The following MYNN variants were observed in gnomAD, a reference collection of about 807,000 sequenced individuals.
The protein encoded by MYNN is myoneurin.
A neutral mutation model predicts 57.2 loss-of-function variants in MYNN; 22 were observed. The observed-to-expected ratio is 0.38, with a 90% confidence interval of 0.27 to 0.55. The LOEUF is 0.55. MYNN is among the 20% of genes least tolerant of loss of function. MYNN has a pLI of 0.71. For missense variants in MYNN, 566 were observed against 723.1 expected (o/e 0.78, Z 2.49); for synonymous variants, 241 against 257.1 (o/e 0.94, Z 0.60).
intron 7 of MYNN, 107 bp downstream of exon 7, chr3:169,784,815 T>C (rs925968323): frequency 1.8e-5 from 12 of 651,234 alleles, no homozygotes; most frequent in Middle Eastern, 2.7e-4. Flanking sequence ...GCAGTTTAAA[T>C]TAGATGTCTA....
In MYNN at chr3:169,778,946, G is replaced by C. The variant is rs773957029; in HGVS notation, c.445G>C (p.Asp149His). ...NQQTCLLTLR[D>H]YNNREKSEVS... ...ACAGACTTGTCTTCTTACTCTGCGA[G>C]ATTATAATAATCGAGAGAAATCAGA... Residue 149 changes from aspartate to histidine, a missense_variant, in exon 3 of 8, where the codon GAT (aspartate) becomes CAT (histidine). Coordinates refer to ENST00000349841, the MANE Select transcript of MYNN (RefSeq NM_018657.5). 3 of 1,613,860 alleles carry C rather than the reference G, an allele frequency of 1.9e-6. No homozygotes were observed. In the Admixed American group the frequency reaches 5.0e-5, roughly 27 times the overall value.
chr3:169,785,072 G>A (rs951831384), intron 7 of MYNN, among the ~76,000 whole-genome samples: 5 of 129,720 alleles, frequency 3.9e-5, no homozygotes, highest in African/African-American at 1.6e-4. Flanking sequence ...GAAAAAAAAG[G>A]GGGGGGGGGT....
chr3:169,785,466 ATAAT>A (rs1262082423), intron 7 of MYNN, among the ~76,000 whole-genome samples: 11 of 152,050 alleles, frequency 7.2e-5, no homozygotes, highest in Admixed American at 5.2e-4. Context: ...ACCTAAATAA[ATAAT>A]TAAATAAACT....
rs575944237 is a variant in MYNN at position 169,782,416 on chromosome 3, T to C, written c.1221-49T>C. 4.0e-6 allele frequency: 6 copies of C among 1,502,734 alleles called. No individual in the cohort carries two copies. Among genetic ancestry groups the C allele is most frequent in the Non-Finnish European group, 5.5e-6 (6 of 1,099,946 alleles). The allele number at this position is 1,502,734 out of a possible 1,614,324, so 93.1% of individuals were successfully genotyped here. A position where few individuals can be genotyped will look rare whatever the true frequency, so the allele number is the denominator to read the frequency against. On this transcript the variant is annotated intron_variant, in intron 4 of 7. Coordinates refer to ENST00000349841, the MANE Select transcript of MYNN (RefSeq NM_018657.5). This position sits in a 1 kb window ranked among gnomAD's most constrained non-coding sequence, Gnocchi z 4.8. Reference sequence around the variant, plus strand: ...AAAAACTTTATGAATTCTTGCTATATAGACTGACCTCCAAATTGTTTTACT... The same window carrying C: ...AAAAACTTTATGAATTCTTGCTATACAGACTGACCTCCAAATTGTTTTACT...
intron 5 of MYNN, among the ~76,000 whole-genome samples, chr3:169,783,206 T>C (rs1295202536): frequency 6.6e-6 from 1 of 152,140 alleles, no homozygotes; most frequent in Admixed American, 6.5e-5. Context: ...GACATGTTCT[T>C]AATCATATAA....
intron 2 of MYNN, 64 bp downstream of exon 2, chr3:169,774,625 T>C: frequency 6.9e-7 from 1 of 1,440,748 alleles, no homozygotes; most frequent in Middle Eastern, 2.0e-4. Flanking sequence ...CAAAAGTAGA[T>C]TTGTATTTTT....
At chr3:169,784,914 A>T (rs1264136332) in intron 7 of MYNN, among the ~76,000 whole-genome samples, 11 of 136,010 alleles carry the variant, frequency 8.1e-5, no homozygotes, top group African/African-American at 3.3e-4. Flanking sequence ...CTCTTATTTA[A>T]AAAAAAAAAA....
intron 3 of MYNN, 144 bp from the exon 4 acceptor site, chr3:169,780,446 G>T: frequency 1.9e-6 from 1 of 537,404 alleles, no homozygotes; most frequent in South Asian, 3.2e-5. Flanking sequence ...TGTTTTCAGT[G>T]GTCTGGAAAA....
intron 7 of MYNN, among the ~76,000 whole-genome samples, chr3:169,785,704 G>C (rs940456857): frequency 6.6e-6 from 1 of 151,992 alleles, no homozygotes; most frequent in African/African-American, 2.4e-5. Context: ...GAGTAGTTTG[G>C]GAAGAATACA....
Position 169,780,745 on chromosome 3 carries a change from G to T in MYNN, c.1216G>T (p.Ala406Ser). The change falls in exon 4 of 8, where the codon GCA becomes TCA. Residue 406 changes from alanine to serine, a missense_variant. Around this residue, in one of 4 missense-constraint regions of MYNN, gnomAD observed 123 missense variants for 222.6 expected, o/e 0.55. Transcript: ENST00000349841. The stretch of plus-strand genomic sequence containing the variant: ...AACTTCTAGCAATCTCAAGATTCAT[G>T]CAAGGTAAAAAACCAAATGAGTTGT... ...FATSSNLKIHARKHSGEKPYV... is the reference protein window; with the variant it reads ...FATSSNLKIHSRKHSGEKPYV... The T allele has an allele frequency of 6.3e-7, 1 of 1,597,310 alleles. No individual in the cohort carries two copies. Among genetic ancestry groups the T allele is most frequent in the South Asian group, 1.1e-5 (1 of 87,412 alleles).
Position 169,774,467 on chromosome 3 carries a change from G to C in MYNN, c.172G>C (p.Glu58Gln), listed in dbSNP as rs1778267138. ...TGGTGCGATCTACAGAAGCACTTCT[G>C]AGAACAATGTCTTTCTTGATCAGAG... Reference protein sequence around the residue: ...YFGAIYRSTSENNVFLDQSQV... With the variant: ...YFGAIYRSTSQNNVFLDQSQV... Residue 58 changes from glutamate (E) to glutamine (Q), a missense_variant, in exon 2 of 8, where the codon GAG becomes CAG. Glu to Gln is a conservative substitution (Grantham distance 29, BLOSUM62 2). This residue lies in a region of MYNN where 261 missense variants were observed against 280.8 expected (regional missense o/e 0.93). Coordinates refer to ENST00000349841, the MANE Select transcript of MYNN (RefSeq NM_018657.5). 6.2e-7 allele frequency: 1 copy of C among 1,613,978 alleles called. No individual in the cohort carries two copies. The highest frequency in any genetic ancestry group is 8.5e-7 in the Non-Finnish European group (1 of 1,180,010).
chr3:169,778,655 TTTCAGCA>T, intron 2 of MYNN, 106 bp from the exon 3 acceptor site: 1 of 780,372 alleles, frequency 1.3e-6, no homozygotes, highest in Non-Finnish European at 2.0e-6. Context: ...GTTATGTCTT[TTTCAGCA>T]TTCTGCTTCA....
chr3:169,781,056 A>G (rs1778497344), intron 4 of MYNN, among the ~76,000 whole-genome samples: 2 of 152,246 alleles, frequency 1.3e-5, no homozygotes, highest in South Asian at 4.1e-4. Flanking sequence ...ACAGGAATCT[A>G]TAGATAAAAC....
At chr3:169,775,410 T>G (rs1266260030) in intron 2 of MYNN, among the ~76,000 whole-genome samples, 1 of 152,196 alleles carries the variant, frequency 6.6e-6, no homozygotes, top group Non-Finnish European at 1.5e-5. Context: ...TCTGTCTCTC[T>G]TATGAAAGTG....
In MYNN at chr3:169,779,351, T is replaced by C. The variant is rs1406949467; in HGVS notation, c.850T>C (p.Tyr284His). 6.2e-7 allele frequency: 1 copy of C among 1,614,174 alleles called. No individual in the cohort carries two copies. The highest frequency in any genetic ancestry group is 2.2e-5 in the East Asian group (1 of 44,894). ...MSNIASVKSPYEAENSGEELD... is the reference protein window; with the variant it reads ...MSNIASVKSPHEAENSGEELD... The stretch of plus-strand genomic sequence containing the variant: ...TAATATAGCCAGCGTCAAGAGTCCT[T>C]ATGAGGCGGAGAACTCCGGGGAAGA... Residue 284 changes from tyrosine (Y) to histidine (H), a missense_variant, in exon 3 of 8, where the codon TAT (tyrosine) becomes CAT (histidine). By Grantham distance (83) the Tyr-to-His change is moderately conservative. Transcript: ENST00000349841.
intron 3 of MYNN, 100 bp from the exon 4 acceptor site, chr3:169,780,490 T>C (rs1250283563): frequency 1.5e-5 from 12 of 786,622 alleles, no homozygotes; most frequent in Non-Finnish European, 2.1e-5. Flanking sequence ...ACAGTTAACA[T>C]TTTCTTAATA....
chr3:169,785,731 C>T (rs758557583), intron 7 of MYNN, among the ~76,000 whole-genome samples: 4 of 151,984 alleles, frequency 2.6e-5, no homozygotes, highest in Non-Finnish European at 5.9e-5. Context: ...TACAATTTTA[C>T]GAAAGCAGTT....
chr3:169,780,853 G>C, intron 4 of MYNN, 104 bp downstream of exon 4: 1 of 1,010,234 alleles, frequency 9.9e-7, no homozygotes, highest in Non-Finnish European at 1.4e-6. Flanking sequence ...TGTAATTGTG[G>C]TTCCACCAAA....
rs1389923112 is a variant in MYNN at position 169,788,521 on chromosome 3, T to C, written c.*1843T>C. 6.6e-6 allele frequency: 1 copy of C among 152,194 alleles called. No homozygotes were observed. 9.4% of individuals were successfully genotyped at this position (152,194 alleles called of 1,614,324 possible). A position where few individuals can be genotyped will look rare whatever the true frequency, so the allele number is the denominator to read the frequency against. On this transcript the variant is annotated 3_prime_UTR_variant, in exon 8 of 8. Transcript: ENST00000349841. The stretch of plus-strand genomic sequence containing the variant: ...TAAAATGGAGAGGTTATGTTTAATT[T>C]ATTTATATCTTCGTTAATCCAAGCA...
Sources: allele counts gnomAD v4.1 joint callset (sites outside exome capture counted in the v4.1 genomes callset), GRCh38; gene constraint gnomAD v4.1.1; regional missense constraint gnomAD v4.1.1; non-coding constraint Gnocchi (gnomAD v3.1); transcripts MANE v1.5; gene names NCBI Gene and HGNC (gene_info 2026-07-23, HGNC 2026-07-21).